NLGN1: variants seen among roughly 807,000 people sequenced by gnomAD.
The protein encoded by NLGN1 is neuroligin-1.
In NLGN1, 12 loss-of-function variants were observed where a neutral mutation model predicts 65.5. That is an observed-to-expected ratio of 0.18 (90% CI 0.12 to 0.30). The LOEUF is 0.30. Among genes scored for constraint, NLGN1 ranks in the 10% least tolerant of loss-of-function variants. The pLI is 1.00. For synonymous variants in NLGN1, 350 were observed against 359.5 expected, an observed-to-expected ratio of 0.97 and a Z score of 0.30; for missense variants, 750 against 1,007.1, an observed-to-expected ratio of 0.74 and a Z score of 3.46.
intron 4 of NLGN1, among the ~76,000 whole-genome samples, chr3:174,044,918 G>A (rs1733210850): frequency 6.6e-6 from 1 of 152,138 alleles, no homozygotes; most frequent in African/African-American, 2.4e-5. Flanking sequence ...TCTTCTTCCT[G>A]CCATCATGTG....
chr3:174,076,600 A>C (rs1740961653), intron 4 of NLGN1, among the ~76,000 whole-genome samples: 1 of 151,678 alleles, frequency 6.6e-6, no homozygotes, highest in Non-Finnish European at 1.5e-5. Context: ...TCACAATCCA[A>C]TTAAATTGTC....
At chr3:173,491,111 G>A (rs1352456748) in intron 2 of NLGN1, among the ~76,000 whole-genome samples, 1 of 151,740 alleles carries the variant, frequency 6.6e-6, no homozygotes, top group Admixed American at 6.6e-5. Context: ...GATTGCCGTG[G>A]CCAGAACTTC....
At chr3:174,103,626 T>C (rs1713052312) in intron 4 of NLGN1, among the ~76,000 whole-genome samples, 1 of 152,156 alleles carries the variant, frequency 6.6e-6, no homozygotes, top group South Asian at 2.1e-4. Context: ...AAAGAAAATA[T>C]GCCTTTGAAT....
At chr3:174,215,523 C>T (rs2152799482) in intron 4 of NLGN1, among the ~76,000 whole-genome samples, 1 of 152,240 alleles carries the variant, frequency 6.6e-6, no homozygotes, top group African/African-American at 2.4e-5. Context: ...TAAATCTTAA[C>T]TAATCCAGCA....
chr3:173,628,421 G>A (rs1366099412), intron 3 of NLGN1, among the ~76,000 whole-genome samples: 1 of 151,962 alleles, frequency 6.6e-6, no homozygotes, highest in Non-Finnish European at 1.5e-5. Context: ...ATGTGCAGAG[G>A]TATTGCACTA....
intron 1 of NLGN1, among the ~76,000 whole-genome samples, chr3:173,429,399 G>C (rs977360122): frequency 1.3e-5 from 2 of 152,002 alleles, no homozygotes; most frequent in Admixed American, 6.6e-5. Flanking sequence ...CCGATTTACT[G>C]TGTTATCTTG....
intron 4 of NLGN1, among the ~76,000 whole-genome samples, chr3:173,905,414 T>G (rs1009279491): frequency 1.3e-5 from 2 of 152,228 alleles, no homozygotes; most frequent in Non-Finnish European, 2.9e-5. Context: ...ATTTCAAGGC[T>G]TCATGCTGGT....
intron 2 of NLGN1, among the ~76,000 whole-genome samples, chr3:173,489,234 T>G (rs551511727): frequency 1.4e-5 from 2 of 146,628 alleles, no homozygotes; most frequent in South Asian, 2.4e-4. Flanking sequence ...TCCCTCCCCC[T>G]TACCCCCACC....
intron 4 of NLGN1, among the ~76,000 whole-genome samples, chr3:174,138,259 G>A (rs1474054995): frequency 6.6e-6 from 1 of 151,916 alleles, no homozygotes; most frequent in African/African-American, 2.4e-5. Flanking sequence ...AAGGTCTCTT[G>A]GTAAGTCAAT....
At chr3:174,042,206 A>G (rs1476799502) in intron 4 of NLGN1, among the ~76,000 whole-genome samples, 1 of 152,074 alleles carries the variant, frequency 6.6e-6, no homozygotes, top group Non-Finnish European at 1.5e-5. Flanking sequence ...GTGTCTTTTG[A>G]TGAGAAGAAG....
At chr3:174,159,892 G>A (rs1044964136) in intron 4 of NLGN1, among the ~76,000 whole-genome samples, 11 of 151,678 alleles carry the variant, frequency 7.3e-5, no homozygotes, top group African/African-American at 2.7e-4. Flanking sequence ...CTCCATGGGG[G>A]ATTGATTTCA....
chr3:173,447,549 C>T lies in NLGN1; in HGVS notation c.-321+12471C>T, dbSNP rs190571897. Among the ~76,000 whole-genome samples the T allele has an allele frequency of 4.9e-4, 75 of 152,266 alleles. 1 individual carries two copies. Among genetic ancestry groups the T allele is most frequent in the Admixed American group, 1.5e-3 (23 of 15,286 alleles). On this transcript the variant is annotated intron_variant, in intron 2 of 6. Transcript: ENST00000457714. Reference sequence around the variant, plus strand: ...CTTAGGATTGACTTGGCAATGCAGGCTCTTTTTTGGTCCCATATGAACTTT... The same window carrying T: ...CTTAGGATTGACTTGGCAATGCAGGTTCTTTTTTGGTCCCATATGAACTTT...
At chr3:173,677,756 G>A (rs1030292201) in intron 3 of NLGN1, among the ~76,000 whole-genome samples, 6 of 152,028 alleles carry the variant, frequency 3.9e-5, no homozygotes, top group Non-Finnish European at 5.9e-5. Context: ...AGTCACTGTG[G>A]CTAAGGACTC....
At chr3:174,290,536 A>G (rs1364192748), downstream of NLGN1, among the ~76,000 whole-genome samples, 1 of 151,122 alleles carries the variant, frequency 6.6e-6, no homozygotes. Flanking sequence ...AACAAGACAT[A>G]AAACAGCATA....
At chr3:173,625,343 C>T (rs1754657161) in intron 3 of NLGN1, among the ~76,000 whole-genome samples, 1 of 151,978 alleles carries the variant, frequency 6.6e-6, no homozygotes, top group Admixed American at 6.6e-5. Context: ...CCTGTCCCCT[C>T]CCCCCAGCAC....
rs1264950058 is a variant in NLGN1, at chr3:173,511,152, A to G, written c.-321+76074A>G. Reference sequence around the variant, plus strand: ...AGTATTGAAGAGAAAAAGCCCAGCTATTCCTTTAGACCAGTGTTTCTGCTA... The same window carrying G: ...AGTATTGAAGAGAAAAAGCCCAGCTGTTCCTTTAGACCAGTGTTTCTGCTA... On this transcript the variant is annotated intron_variant, in intron 2 of 6. Transcript: ENST00000457714. Among the ~76,000 whole-genome samples the G allele has an allele frequency of 4.6e-5, 7 of 152,330 alleles. No individual in the cohort carries two copies. In the East Asian group the frequency reaches 1.3e-3, roughly 29 times the overall value.
intron 2 of NLGN1, among the ~76,000 whole-genome samples, chr3:173,539,921 G>C (rs1032887900): frequency 8.9e-6 from 1 of 112,982 alleles, no homozygotes; most frequent in Admixed American, 8.1e-5. Context: ...TATAACATAC[G>C]TGTGTGTGTG....
At chr3:173,987,966 A>G (rs1720305103) in intron 4 of NLGN1, among the ~76,000 whole-genome samples, 2 of 152,294 alleles carry the variant, frequency 1.3e-5, no homozygotes, top group South Asian at 4.1e-4. Context: ...TATTAAAGCT[A>G]GTAGTTTGGT....
chr3:174,278,280 T>A (rs1365909147), intron 5 of NLGN1, among the ~76,000 whole-genome samples: 2 of 151,806 alleles, frequency 1.3e-5, no homozygotes, highest in Non-Finnish European at 2.9e-5. Context: ...CTGGAAAGAG[T>A]ATGTCTAAAG....
Sources: allele counts gnomAD v4.1 joint callset (sites outside exome capture counted in the v4.1 genomes callset), GRCh38; gene constraint gnomAD v4.1.1; transcripts MANE v1.5; gene names NCBI Gene and HGNC (gene_info 2026-07-23, HGNC 2026-07-21).